Variants in PRMT9 observed in about 807,000 individuals in gnomAD.
PRMT9 encodes the protein protein arginine N-methyltransferase 9.
A neutral mutation model predicts 83.2 loss-of-function variants in PRMT9; 59 were observed. The observed-to-expected ratio is 0.71, with a 90% CI of 0.57 to 0.88. The LOEUF (loss-of-function observed/expected upper bound fraction) is 0.88. Ranked by LOEUF, PRMT9 falls within the 40% of genes least tolerant of loss-of-function variation. The pLI, the probability that PRMT9 is intolerant of heterozygous loss-of-function variation, is 0.00. For missense variants in PRMT9, 947 were observed against 1,021.9 expected (o/e 0.93, Z 1.00); for synonymous variants, 333 against 353.2 (o/e 0.94, Z 0.64).
rs746930814 is a variant in PRMT9, at chr4:147,673,111, T to G, written c.591A>C (p.Lys197Asn). Residue 197 changes from lysine (K) to asparagine (N), a missense_variant, in exon 4 of 12, where the codon AAA becomes AAC. Coordinates refer to ENST00000322396, the MANE Select transcript of PRMT9 (RefSeq NM_138364.4). ...AGGCATACACGGAATGTGCTCCAGCTTTTTTAGCAAACATGCTACAAGGGA... is the reference window on the plus strand; with the variant it reads ...AGGCATACACGGAATGTGCTCCAGCGTTTTTAGCAAACATGCTACAAGGGA... ...GTGILSMFAKKAGAHSVYACE... is the reference protein window; with the variant it reads ...GTGILSMFAKNAGAHSVYACE... 6 of 1,613,648 alleles carry G rather than the reference T, an allele frequency of 3.7e-6. No individual in the cohort carries two copies. Among genetic ancestry groups the G allele is most frequent in the Non-Finnish European group, 5.1e-6 (6 of 1,179,750 alleles).
At chr4:147,670,496 T>C (rs780949144) in intron 5 of PRMT9, 145 bp downstream of exon 5, 6 of 679,950 alleles carry the variant, frequency 8.8e-6, no homozygotes, top group South Asian at 1.7e-5. Flanking sequence ...GTTTTTTGCA[T>C]AGATTTCTTT....
At position 147,657,878 on chromosome 4, in the gene PRMT9, T is replaced by G; in HGVS notation, c.1244A>C (p.Gln415Pro). The G allele has an allele frequency of 6.2e-7, 1 of 1,610,592 alleles. No homozygotes were observed. The highest frequency in any genetic ancestry group is 8.5e-7 in the Non-Finnish European group (1 of 1,179,344). The change falls in exon 8 of 12, where the codon CAG becomes CCG. Residue 415 changes from glutamine (Q) to proline (P), a missense_variant. By Grantham distance (76) the Gln-to-Pro change is moderately conservative (BLOSUM62 -1). Coordinates refer to ENST00000322396, the MANE Select transcript of PRMT9 (RefSeq NM_138364.4). ...LDAIMVWFVLQLDDEHSLSTS... is the reference protein window; with the variant it reads ...LDAIMVWFVLPLDDEHSLSTS... Reference sequence around the variant, plus strand: ...GGATAAACTATGTTCATCATCAAGCTGGAGCACAAACCAAACCATAATAGC... The same window carrying G: ...GGATAAACTATGTTCATCATCAAGCGGGAGCACAAACCAAACCATAATAGC...
chr4:147,666,192 G>C (rs1578918477), intron 6 of PRMT9, among the ~76,000 whole-genome samples: 1 of 152,100 alleles, frequency 6.6e-6, no homozygotes, highest in South Asian at 2.1e-4. Context: ...TTCATGCTTT[G>C]TTATAAAAGT....
intron 5 of PRMT9, among the ~76,000 whole-genome samples, 199 bp downstream of exon 5, chr4:147,670,442 G>A (rs1448146099): frequency 1.3e-5 from 2 of 152,114 alleles, no homozygotes; most frequent in African/African-American, 2.4e-5. Context: ...GCCTCCCAAA[G>A]TGCTGGGATT....
intron 8 of PRMT9, among the ~76,000 whole-genome samples, chr4:147,657,213 T>G (rs1204428016): frequency 1.3e-5 from 2 of 152,058 alleles, no homozygotes; most frequent in Admixed American, 1.3e-4. Flanking sequence ...TGGAGCAGGA[T>G]TTCTTTCATC....
intron 1 of PRMT9, among the ~76,000 whole-genome samples, chr4:147,683,258 G>GT (rs1348460241): frequency 1.3e-5 from 2 of 152,186 alleles, no homozygotes; most frequent in Non-Finnish European, 2.9e-5. Flanking sequence ...AGAGGATCAC[G>GT]TGAGACCTCA....
intron 2 of PRMT9, among the ~76,000 whole-genome samples, 173 bp downstream of exon 2, chr4:147,680,150 G>A (rs999050908): frequency 1.3e-5 from 2 of 152,116 alleles, no homozygotes; most frequent in South Asian, 2.1e-4. Flanking sequence ...CTATTATGCC[G>A]TATATTACAA....
intron 9 of PRMT9, among the ~76,000 whole-genome samples, chr4:147,653,571 T>C (rs1322265639): frequency 6.6e-6 from 1 of 151,912 alleles, no homozygotes; most frequent in Non-Finnish European, 1.5e-5. Context: ...AAATTCAAGA[T>C]GAAAGTAAAA....
At chr4:147,650,856 A>C (rs1023846990) in intron 9 of PRMT9, among the ~76,000 whole-genome samples, 3 of 152,178 alleles carry the variant, frequency 2.0e-5, no homozygotes, top group Non-Finnish European at 2.9e-5. Context: ...TAATCCCAGC[A>C]CTTTGGGAGG....
At chr4:147,670,522 G>C (rs1420156199) in intron 5 of PRMT9, 119 bp downstream of exon 5, 1 of 806,600 alleles carries the variant, frequency 1.2e-6, no homozygotes, top group Non-Finnish European at 2.1e-6. Context: ...CACACAGTAT[G>C]TACACCTTGG....
At chr4:147,665,549 A>G (rs960243663) in intron 6 of PRMT9, among the ~76,000 whole-genome samples, 2 of 152,074 alleles carry the variant, frequency 1.3e-5, no homozygotes, top group African/African-American at 4.8e-5. Flanking sequence ...TCCCTTTTTG[A>G]GCACTTCCTC....
intron 9 of PRMT9, among the ~76,000 whole-genome samples, chr4:147,649,284 C>A (rs548623238): frequency 2.9e-4 from 44 of 152,194 alleles, no homozygotes; most frequent in African/African-American, 9.6e-4. Flanking sequence ...GGCCTTAATT[C>A]ACTAATGAGG....
At chr4:147,657,766 T>TAA (rs762695244) in intron 8 of PRMT9, 26 bp downstream of exon 8, 46 of 1,269,630 alleles carry the variant, frequency 3.6e-5, no homozygotes, top group Non-Finnish European at 4.5e-5. Context: ...AGCAAGAGGT[T>TAA]AAAAAAAAAA....
chr4:147,673,224 T>C (rs1560704870), intron 3 of PRMT9, 98 bp from the exon 4 acceptor site: 3 of 1,093,306 alleles, frequency 2.7e-6, no homozygotes, highest in African/African-American at 3.1e-5. Context: ...GTTTTTCCTT[T>C]TATTCTTTAA....
At chr4:147,648,188 G>T (rs879215024) in intron 9 of PRMT9, among the ~76,000 whole-genome samples, 1 of 152,076 alleles carries the variant, frequency 6.6e-6, no homozygotes, top group Admixed American at 6.5e-5. Flanking sequence ...ATGACTAAGG[G>T]CCCCTACCTA....
intron 10 of PRMT9, among the ~76,000 whole-genome samples, chr4:147,642,514 T>G (rs1042993528): frequency 1.5e-5 from 1 of 65,836 alleles, no homozygotes; most frequent in African/African-American, 5.2e-5. Context: ...GTGCTGGGAT[T>G]ACAGGCATGA....
chr4:147,641,250 A>G (rs1350979091), intron 10 of PRMT9, among the ~76,000 whole-genome samples: 2 of 152,162 alleles, frequency 1.3e-5, no homozygotes, highest in Non-Finnish European at 2.9e-5. Context: ...TTTCAGAGCA[A>G]AAGCCACAGT....
At chr4:147,659,737 C>G (rs1055981096) in intron 7 of PRMT9, among the ~76,000 whole-genome samples, 1 of 151,892 alleles carries the variant, frequency 6.6e-6, no homozygotes, top group Non-Finnish European at 1.5e-5. Flanking sequence ...GCCACCACAC[C>G]CAGCTAATTT....
intron 7 of PRMT9, among the ~76,000 whole-genome samples, chr4:147,659,403 AAAAAAAAAG>A (rs1464222388): frequency 2.0e-5 from 3 of 150,406 alleles, no homozygotes; most frequent in Non-Finnish European, 3.0e-5. Flanking sequence ...CTCTGTCTCA[AAAAAAAAAG>A]AAAAAAAAGA....
Sources: gnomAD v4.1 joint callset for allele counts (sites outside exome capture counted in the v4.1 genomes callset) on GRCh38, gnomAD v4.1.1 for gene constraint, MANE v1.5 for transcripts, NCBI Gene and HGNC (gene_info 2026-07-23, HGNC 2026-07-21) for gene names.